CDH23: variants seen among roughly 807,000 people sequenced by gnomAD.
CDH23 encodes the protein cadherin related 23.
CDH23 carries 189 observed loss-of-function variants against 317.1 expected under a neutral mutation model. The observed-to-expected ratio is 0.60, with a 90% confidence interval of 0.53 to 0.67. CDH23 has a LOEUF of 0.67. Ranked by LOEUF, CDH23 falls within the 30% of genes least tolerant of loss-of-function variation. The probability of loss-of-function intolerance (pLI) is 0.00; values close to 1 mark genes in which losing one functional copy is unlikely to be tolerated. For missense variants in CDH23, 4,401 were observed against 4,592.4 expected, an observed-to-expected ratio of 0.96 and a Z score of 1.20; for synonymous variants, 1,839 against 1,876.8, an observed-to-expected ratio of 0.98 and a Z score of 0.52.
chr10:71,717,960 A>T (rs1866358814), intron 28 of CDH23: 1 of 152,256 alleles, frequency 6.6e-6, no homozygotes, highest in African/African-American at 2.4e-5. Context: ...AACCAAACAC[A>T]TAAGCAGAGG....
intron 6 of CDH23, among the ~76,000 whole-genome samples, chr10:71,552,462 C>T (rs1216210734): frequency 2.6e-5 from 4 of 152,142 alleles, no homozygotes; most frequent in East Asian, 1.9e-4. Context: ...AGCCGTGGGG[C>T]GTTTTAACCT....
Position 71,583,057 on chromosome 10 carries a change from G to A in CDH23, c.832+5065G>A, listed in dbSNP as rs545515660. Among the ~76,000 whole-genome samples, 241 of 152,298 alleles carry A rather than the reference G, an allele frequency of 1.6e-3. 1 individual carries two copies. Among genetic ancestry groups the A allele is most frequent in the Non-Finnish European group, 2.6e-3 (177 of 68,022 alleles). On this transcript the variant is annotated intron_variant, in intron 9 of 69. Transcript: ENST00000224721. ...GGAGGGGGTGCCTCATCCACTCAAC[G>A]CAGGGTGGGGAGACTCCATGAGGAG...
At chr10:71,761,161 C>T (rs1466974627) in intron 38 of CDH23, among the ~76,000 whole-genome samples, 1 of 152,182 alleles carries the variant, frequency 6.6e-6, no homozygotes, top group Non-Finnish European at 1.5e-5. Context: ...GCCCACACCT[C>T]TATCCGAACC....
At chr10:71,664,240 G>A (rs905140362) in intron 14 of CDH23, among the ~76,000 whole-genome samples, 27 of 152,130 alleles carry the variant, frequency 1.8e-4, no homozygotes, top group African/African-American at 5.6e-4. Context: ...CCCCCACTAC[G>A]ACTTCTTTAA....
At chr10:71,670,357 AT>A (rs1864094536) in intron 14 of CDH23, among the ~76,000 whole-genome samples, 1 of 152,208 alleles carries the variant, frequency 6.6e-6, no homozygotes. Context: ...TGAGCCCTGT[AT>A]GGGGGTACTA....
intron 16 of CDH23, 82 bp from the exon 17 acceptor site, chr10:71,679,304 TC>T: frequency 1.2e-6 from 1 of 867,764 alleles, no homozygotes. Context: ...GGGCCAGTCT[TC>T]CCCACCCTCC....
At position 71,702,006 on chromosome 10, in the gene CDH23, GC is replaced by G; in HGVS notation, c.2398-15del. The G allele has an allele frequency of 6.2e-7, 1 of 1,613,000 alleles. No homozygotes were observed. Among genetic ancestry groups the G allele is most frequent in the South Asian group, 1.1e-5 (1 of 91,078 alleles). ...CAGGCGCGGCTCAGTGAAGGGGTCTGCTCCCTCCCGGGCAGGTGGTGGCTGT... is the reference window on the plus strand; with the variant it reads ...CAGGCGCGGCTCAGTGAAGGGGTCTGTCCCTCCCGGGCAGGTGGTGGCTGT... On this transcript the variant is annotated splice_polypyrimidine_tract_variant and intron_variant, in intron 22 of 69. Transcript: ENST00000224721.
chr10:71,729,095 A>G (rs1866944203), intron 30 of CDH23, among the ~76,000 whole-genome samples: 1 of 152,078 alleles, frequency 6.6e-6, no homozygotes, highest in Admixed American at 6.6e-5. Context: ...TCAACCTCCC[A>G]AATTTCTGCG....
In CDH23 at chr10:71,745,621, G is replaced by A. The variant is rs1260514328; in HGVS notation, c.4845+3700G>A. Among the ~76,000 whole-genome samples, 4 of 152,342 alleles carry A rather than the reference G, an allele frequency of 2.6e-5. No homozygotes were observed. In the South Asian group the frequency reaches 6.2e-4, roughly 24 times the overall value. On this transcript the variant is annotated intron_variant, in intron 38 of 69. Transcript: ENST00000224721. ...TACCAGGGTAGCTTGCCTCCAAGGA[G>A]CACTGGACCCTTGAAGATTTGCTTC... is the stretch of plus-strand genomic sequence containing the variant.
Position 71,734,116 on chromosome 10 carries a change from C to T in CDH23, c.4105-124C>T, listed in dbSNP as rs1839481242. Reference sequence around the variant, plus strand: ...GAGAGAGAAGAAGGAATTCAACAGACAGAGTGTCCTGGGGAAGTTATGCCG... The same window carrying T: ...GAGAGAGAAGAAGGAATTCAACAGATAGAGTGTCCTGGGGAAGTTATGCCG... On this transcript the variant is annotated intron_variant, in intron 32 of 69. Coordinates refer to ENST00000224721, the MANE Select transcript of CDH23 (RefSeq NM_022124.6). 9.6e-5 allele frequency: 75 copies of T among 782,758 alleles called. No homozygotes were observed. The South Asian group carries it at 1.1e-3, about 11-fold the overall frequency. The allele number at this position is 782,758 out of a possible 1,614,324, so 48.5% of individuals were successfully genotyped here. A position where few individuals can be genotyped will look rare whatever the true frequency, so the allele number is the denominator to read the frequency against.
intron 9 of CDH23, among the ~76,000 whole-genome samples, chr10:71,581,293 C>T (rs998381919): frequency 6.6e-6 from 1 of 152,218 alleles, no homozygotes; most frequent in African/African-American, 2.4e-5. Flanking sequence ...AGGGGGTGGG[C>T]AGAGCCAAAT....
At chr10:71,761,028 G>C (rs1402522821) in intron 38 of CDH23, 1 of 1,161,376 alleles carries the variant, frequency 8.6e-7, no homozygotes, top group East Asian at 2.4e-5. Context: ...TCTCACGCTA[G>C]TGCCTACTCG....
rs981658059 is a variant in CDH23, at chr10:71,803,071, C to T, written c.7656C>T (p.Gly2552=). 5 of 1,528,566 alleles carry T rather than the reference C, an allele frequency of 3.3e-6. No homozygotes were observed. Among genetic ancestry groups the T allele is most frequent in the Non-Finnish European group, 4.4e-6 (5 of 1,127,228 alleles). 94.7% of individuals were successfully genotyped at this position (1,528,566 alleles called of 1,614,324 possible). ...TGACCTACTCACTTGAGGGCCCTGGCGTGGGTATGTGGCCTTCCTTGGACA... is the reference window on the plus strand; with the variant it reads ...TGACCTACTCACTTGAGGGCCCTGGTGTGGGTATGTGGCCTTCCTTGGACA... ...GELTYSLEGP[G]VEAFHVDMDS... The change falls in exon 54 of 70, where the codon GGC becomes GGT. Residue 2552 remains glycine (G), a synonymous_variant. Transcript: ENST00000224721.
At chr10:71,789,311 G>A (rs1841182649) in intron 45 of CDH23, among the ~76,000 whole-genome samples, 1 of 152,186 alleles carries the variant, frequency 6.6e-6, no homozygotes, top group Non-Finnish European at 1.5e-5. Flanking sequence ...CATCCCTCAA[G>A]AAGGGCATGT....
chr10:71,430,293 CAA>C (rs5786039), intron 1 of CDH23, among the ~76,000 whole-genome samples: 3 of 141,202 alleles, frequency 2.1e-5, no homozygotes, highest in Admixed American at 6.9e-5. Flanking sequence ...TTTTGGAACT[CAA>C]AAAAAAAAAA....
At chr10:71,715,971 T>G in intron 28 of CDH23, 1 of 1,487,810 alleles carries the variant, frequency 6.7e-7, no homozygotes. Context: ...TCACAGTGGC[T>G]GCGGTTGTCC....
At chr10:71,513,597 C>A (rs1357847686) in intron 6 of CDH23, among the ~76,000 whole-genome samples, 2 of 152,186 alleles carry the variant, frequency 1.3e-5, no homozygotes, top group South Asian at 4.1e-4. Context: ...TCAGAGAAAT[C>A]TCAGCAGGCT....
At chr10:71,526,056 A>G (rs1027249299) in intron 6 of CDH23, among the ~76,000 whole-genome samples, 1 of 152,142 alleles carries the variant, frequency 6.6e-6, no homozygotes, top group African/African-American at 2.4e-5. Flanking sequence ...GTGCTTGAGG[A>G]CCCAGATAGC....
rs1445327075 is a variant in CDH23, at chr10:71,510,138, G to T, written c.202G>T (p.Gly68Cys). The T allele has an allele frequency of 2.5e-6, 4 of 1,613,896 alleles. No individual in the cohort carries two copies. The highest frequency in any genetic ancestry group is 3.4e-6 in the Non-Finnish European group (4 of 1,179,898). The change falls in exon 4 of 70, where the codon GGC becomes TGC. Residue 68 changes from glycine (G) to cysteine (C), a missense_variant. By Grantham distance (159) the Gly-to-Cys change is radical. This residue lies in a region of CDH23 where 3,068 missense variants were observed against 3,203.3 expected (regional missense o/e 0.96). Coordinates refer to ENST00000224721, the MANE Select transcript of CDH23 (RefSeq NM_022124.6). ...QDMDNDPLVF[G>C]VSGEEASRFF... The stretch of plus-strand genomic sequence containing the variant: ...CATGGACAATGACCCCCTGGTGTTT[G>T]GCGTGTCTGGGGAGGAGGCCTCTCG...
Sources: allele counts gnomAD v4.1 joint callset (sites outside exome capture counted in the v4.1 genomes callset), GRCh38; gene constraint gnomAD v4.1.1; regional missense constraint gnomAD v4.1.1; transcripts MANE v1.5; gene names NCBI Gene and HGNC (gene_info 2026-07-23, HGNC 2026-07-21).